Variants in GRIP1 observed in about 807,000 individuals in gnomAD.
GRIP1 encodes the protein glutamate receptor interacting protein 1.
GRIP1 carries 45 observed loss-of-function variants against 129.9 expected under a neutral mutation model. The ratio of observed to expected loss-of-function variants is 0.35; its 90% CI spans 0.27 to 0.44. The LOEUF is 0.44. GRIP1 is among the 20% of genes least tolerant of loss of function. GRIP1 has a pLI of 1.00. For synonymous variants in GRIP1, 530 were observed against 520.8 expected (o/e 1.02, Z -0.24); for missense variants, 1,196 against 1,396.8 (o/e 0.86, Z 2.29).
At chr12:66,814,293 G>C (rs1023160430) in intron 1 of GRIP1, among the ~76,000 whole-genome samples, 3 of 152,032 alleles carry the variant, frequency 2.0e-5, no homozygotes, top group African/African-American at 7.2e-5. Context: ...TATTAAATGA[G>C]TACATGAAGC....
intron 1 of GRIP1, among the ~76,000 whole-genome samples, chr12:66,923,211 T>C (rs1184984186): frequency 6.6e-6 from 1 of 152,260 alleles, no homozygotes; most frequent in East Asian, 1.9e-4. Flanking sequence ...GCTGACACAG[T>C]GGCACATTCC....
intron 1 of GRIP1, among the ~76,000 whole-genome samples, chr12:66,653,373 C>G (rs1404421296): frequency 2.0e-5 from 3 of 152,170 alleles, no homozygotes; most frequent in Non-Finnish European, 2.9e-5. Flanking sequence ...GCAGAATATT[C>G]AGGCATTTTG....
rs1274748947 is a variant in GRIP1 at position 66,463,085 on chromosome 12, G to A, written c.881C>T (p.Ala294Val). 20 of 1,613,658 alleles carry A rather than the reference G, an allele frequency of 1.2e-5. No individual in the cohort carries two copies. The highest frequency in any genetic ancestry group is 1.5e-5 in the Non-Finnish European group (18 of 1,179,732). The change falls in exon 9 of 25, where the codon GCA becomes GTA. Residue 294 changes from alanine to valine, a missense_variant. Physicochemically the swap from Ala to Val is moderately conservative, Grantham distance 64. Around this residue, in one of 5 missense-constraint regions of GRIP1, gnomAD observed 508 missense variants for 587.0 expected, o/e 0.87. Transcript: ENST00000359742. ...GAGGATGTGATCTCCCACATGCAAT[G>A]CGCCACATCTACGGAAAGGAGAAAT... ...KSASIADRCG[A>V]LHVGDHILSI...
At chr12:66,827,401 A>T (rs1028332054) in intron 1 of GRIP1, among the ~76,000 whole-genome samples, 4 of 151,856 alleles carry the variant, frequency 2.6e-5, no homozygotes, top group Admixed American at 2.0e-4. Context: ...AGAGAGAGAG[A>T]GAGAGAGAGA....
chr12:66,569,704 T>C (rs1031916457), intron 2 of GRIP1, among the ~76,000 whole-genome samples: 2 of 152,014 alleles, frequency 1.3e-5, no homozygotes, highest in Non-Finnish European at 2.9e-5. Flanking sequence ...AGAAAGTAAT[T>C]TGCAAGACCC....
chr12:66,526,305 A>G (rs368120988), intron 5 of GRIP1, among the ~76,000 whole-genome samples: 9 of 152,198 alleles, frequency 5.9e-5, no homozygotes, highest in Admixed American at 2.0e-4. Context: ...TAACCAAAAC[A>G]GCATGGTACT....
chr12:66,544,856 T>C (rs10748052), intron 2 of GRIP1, among the ~76,000 whole-genome samples: 104,374 of 151,916 alleles, frequency 0.69, 36,319 homozygotes, highest in African/African-American at 0.81. Flanking sequence ...TGTTTAATGT[T>C]TGCATAGTGA....
chr12:66,562,265 C>G (rs769964825), intron 2 of GRIP1, among the ~76,000 whole-genome samples: 1 of 152,160 alleles, frequency 6.6e-6, no homozygotes, highest in Non-Finnish European at 1.5e-5. Flanking sequence ...GCTCCTACAA[C>G]TTTTCCACAT....
Position 66,455,484 on chromosome 12 carries a change from G to C in GRIP1, c.1279C>G (p.Arg427Gly). 1 of 1,613,624 alleles carries C rather than the reference G, an allele frequency of 6.2e-7. No homozygotes were observed. Among genetic ancestry groups the C allele is most frequent in the Non-Finnish European group, 8.5e-7 (1 of 1,179,530 alleles). Residue 427 changes from arginine to glycine, a missense_variant, in exon 11 of 25, where the codon CGA becomes GGA. Around this residue, in one of 5 missense-constraint regions of GRIP1, gnomAD observed 508 missense variants for 587.0 expected, o/e 0.87. Coordinates refer to ENST00000359742, the MANE Select transcript of GRIP1 (RefSeq NM_001366722.1). ...CGTGGGCTGGTGGAGTAGAGGCTTC[G>C]AGGTAGAGTCCCCATGTTCAGGGAA... ...LSSLNMGTLPRSLYSTSPRGT... is the reference protein window; with the variant it reads ...LSSLNMGTLPGSLYSTSPRGT...
At chr12:66,621,181 G>A (rs2065251413) in intron 1 of GRIP1, among the ~76,000 whole-genome samples, 1 of 151,968 alleles carries the variant, frequency 6.6e-6, no homozygotes, top group Non-Finnish European at 1.5e-5. Flanking sequence ...TCACAGTGTT[G>A]TGCACCCATC....
At chr12:66,485,370 T>C (rs1460235170) in intron 7 of GRIP1, among the ~76,000 whole-genome samples, 1 of 151,984 alleles carries the variant, frequency 6.6e-6, no homozygotes, top group African/African-American at 2.4e-5. Context: ...TGATTTTTTA[T>C]TAGTTGTCTG....
chr12:66,661,405 A>T (rs2033491397), intron 1 of GRIP1, among the ~76,000 whole-genome samples: 1 of 150,226 alleles, frequency 6.7e-6, no homozygotes, highest in Non-Finnish European at 1.5e-5. Context: ...AAACAACAAA[A>T]AGTTGGCTCT....
intron 1 of GRIP1, among the ~76,000 whole-genome samples, chr12:66,656,485 C>T (rs1181532375): frequency 3.3e-5 from 5 of 152,084 alleles, no homozygotes; most frequent in Admixed American, 2.0e-4. Context: ...GTGACATTAC[C>T]ACTTCCCAGT....
chr12:66,828,391 C>T (rs1452163859), intron 1 of GRIP1, among the ~76,000 whole-genome samples: 1 of 152,184 alleles, frequency 6.6e-6, no homozygotes, highest in East Asian at 1.9e-4. Flanking sequence ...CATTTATTTT[C>T]TACCCTACTG....
intron 23 of GRIP1, among the ~76,000 whole-genome samples, chr12:66,355,539 C>T (rs1046266883): frequency 6.6e-6 from 1 of 152,112 alleles, no homozygotes; most frequent in South Asian, 2.1e-4. Context: ...AGCCTAGTGA[C>T]ACCAGCACCC....
intron 1 of GRIP1, among the ~76,000 whole-genome samples, chr12:67,021,575 G>A (rs958596689): frequency 7.9e-5 from 12 of 152,058 alleles, no homozygotes; most frequent in African/African-American, 2.9e-4. Context: ...TACATACAAT[G>A]TATAATGATC....
intron 1 of GRIP1, among the ~76,000 whole-genome samples, chr12:67,036,803 G>T (rs1340994212): frequency 1.3e-5 from 2 of 151,936 alleles, no homozygotes; most frequent in South Asian, 2.1e-4. Context: ...ATCCCATCAA[G>T]TCCTGAAGAC....
At chr12:66,895,993 A>C (rs1035295442) in intron 1 of GRIP1, among the ~76,000 whole-genome samples, 1 of 152,332 alleles carries the variant, frequency 6.6e-6, no homozygotes, top group African/African-American at 2.4e-5. Flanking sequence ...TAAAGAATCA[A>C]TGGTCATTTT....
At chr12:66,506,890 C>G (rs1389520650) in intron 7 of GRIP1, among the ~76,000 whole-genome samples, 1 of 139,480 alleles carries the variant, frequency 7.2e-6, no homozygotes, top group Non-Finnish European at 1.6e-5. Flanking sequence ...TTTTTTTCCT[C>G]TAAAAAACAG....
Sources: allele counts gnomAD v4.1 joint callset (sites outside exome capture counted in the v4.1 genomes callset), GRCh38; gene constraint gnomAD v4.1.1; regional missense constraint gnomAD v4.1.1; transcripts MANE v1.5; gene names NCBI Gene and HGNC (gene_info 2026-07-23, HGNC 2026-07-21).